LRRC4C: variants seen among roughly 807,000 people sequenced by gnomAD.
LRRC4C encodes the protein leucine rich repeat containing 4C, also known as leucine-rich repeat-containing protein 4C.
LRRC4C carries 5 observed loss-of-function variants against 33.6 expected under a neutral mutation model. The observed-to-expected ratio is 0.15, with a 90% CI of 0.08 to 0.31. The LOEUF (loss-of-function observed/expected upper bound fraction) is 0.31. LRRC4C is among the 10% of genes least tolerant of loss of function. LRRC4C has a pLI of 1.00. For missense variants in LRRC4C, 560 were observed against 796.7 expected (o/e 0.70, Z 3.58); for synonymous variants, 329 against 302.0 (o/e 1.09, Z -0.93).
At chr11:40,902,976 T>C (rs1956271704) in intron 2 of LRRC4C, among the ~76,000 whole-genome samples, 1 of 152,150 alleles carries the variant, frequency 6.6e-6, no homozygotes, top group African/African-American at 2.4e-5. Flanking sequence ...TTAATGAAGG[T>C]AGCTACATCA....
At chr11:41,439,847 GT>G (rs1186630968) in intron 1 of LRRC4C, among the ~76,000 whole-genome samples, 1 of 152,034 alleles carries the variant, frequency 6.6e-6, no homozygotes, top group Non-Finnish European at 1.5e-5. Flanking sequence ...TTTTGATGAG[GT>G]TTTTTTAAAT....
At chr11:41,372,379 T>C (rs943458459) in intron 1 of LRRC4C, among the ~76,000 whole-genome samples, 3 of 152,208 alleles carry the variant, frequency 2.0e-5, no homozygotes, top group Non-Finnish European at 2.9e-5. Context: ...TGAGTATAAT[T>C]ATGTCCTTTG....
chr11:40,592,841 T>A (rs151091883), intron 3 of LRRC4C, among the ~76,000 whole-genome samples: 15 of 152,300 alleles, frequency 9.8e-5, no homozygotes, highest in African/African-American at 3.6e-4. Context: ...ACTGGGTGTA[T>A]CTTGTCTTTG....
At chr11:40,362,746 G>A (rs189522869) in intron 3 of LRRC4C, among the ~76,000 whole-genome samples, 4 of 152,148 alleles carry the variant, frequency 2.6e-5, no homozygotes, top group East Asian at 3.9e-4. Context: ...TCAATAAATC[G>A]TGAGAAAAGG....
chr11:40,896,552 A>C (rs904833075), intron 2 of LRRC4C, among the ~76,000 whole-genome samples: 2 of 140,430 alleles, frequency 1.4e-5, no homozygotes, highest in Non-Finnish European at 3.2e-5. Context: ...TTTTTTTTTT[A>C]GATTTTATTT....
chr11:41,189,187 T>G (rs1945836594), intron 1 of LRRC4C, among the ~76,000 whole-genome samples: 1 of 152,168 alleles, frequency 6.6e-6, no homozygotes, highest in South Asian at 2.1e-4. Flanking sequence ...AAAGTCTGTA[T>G]TCTACTGAGA....
chr11:40,315,033 T>C (rs897750209), intron 4 of LRRC4C, among the ~76,000 whole-genome samples: 1 of 152,018 alleles, frequency 6.6e-6, no homozygotes, highest in African/African-American at 2.4e-5. Context: ...TACAGTTTCA[T>C]AGAGCTAAAA....
At chr11:40,974,249 T>C (rs1228559139) in intron 1 of LRRC4C, among the ~76,000 whole-genome samples, 1 of 152,180 alleles carries the variant, frequency 6.6e-6, no homozygotes, top group Non-Finnish European at 1.5e-5. Flanking sequence ...AAGGACATTT[T>C]CTTATGACTA....
At chr11:40,909,755 T>C (rs753972458) in intron 2 of LRRC4C, among the ~76,000 whole-genome samples, 2 of 152,182 alleles carry the variant, frequency 1.3e-5, no homozygotes, top group Non-Finnish European at 2.9e-5. Context: ...AAGGGCAGTT[T>C]ACTTAATTCT....
chr11:40,686,497 C>T (rs573845790), intron 2 of LRRC4C, among the ~76,000 whole-genome samples: 67 of 151,932 alleles, frequency 4.4e-4, no homozygotes, highest in African/African-American at 1.3e-3. Context: ...TCACCGGGGG[C>T]GGCCCAGACG....
chr11:40,876,414 G>A (rs1386627431), intron 2 of LRRC4C, among the ~76,000 whole-genome samples: 1 of 151,934 alleles, frequency 6.6e-6, no homozygotes. Flanking sequence ...AAATCCCAGT[G>A]TTCACTTGTC....
intron 3 of LRRC4C, among the ~76,000 whole-genome samples, chr11:40,373,403 A>G (rs1026407627): frequency 6.6e-6 from 1 of 152,168 alleles, no homozygotes; most frequent in African/African-American, 2.4e-5. Flanking sequence ...GAGAGAAGAC[A>G]TTTGCAATAC....
At chr11:40,276,129 C>A (rs1943083419) in intron 4 of LRRC4C, among the ~76,000 whole-genome samples, 1 of 152,066 alleles carries the variant, frequency 6.6e-6, no homozygotes, top group Admixed American at 6.6e-5. Context: ...AGTAGGAGAA[C>A]TGCATTAAAA....
intron 1 of LRRC4C, among the ~76,000 whole-genome samples, chr11:41,095,639 G>A (rs1940762493): frequency 6.6e-6 from 1 of 152,106 alleles, no homozygotes; most frequent in South Asian, 2.1e-4. Context: ...TTCTAACCCT[G>A]GGATAGAAGT....
intron 3 of LRRC4C, among the ~76,000 whole-genome samples, chr11:40,430,486 A>G (rs920191742): frequency 6.6e-6 from 1 of 152,174 alleles, no homozygotes; most frequent in Admixed American, 6.5e-5. Flanking sequence ...CACAGTGAGT[A>G]AAGGAACGGC....
intron 1 of LRRC4C, among the ~76,000 whole-genome samples, chr11:41,081,702 A>T (rs1939583636): frequency 6.6e-6 from 1 of 152,140 alleles, no homozygotes; most frequent in African/African-American, 2.4e-5. Flanking sequence ...TAAACAAAAA[A>T]ATATAAATGT....
chr11:40,267,833 T>C (rs944610599), intron 4 of LRRC4C, among the ~76,000 whole-genome samples: 1 of 152,188 alleles, frequency 6.6e-6, no homozygotes, highest in Non-Finnish European at 1.5e-5. Flanking sequence ...TGAAGTTTAA[T>C]GAAAATAATG....
chr11:41,354,681 T>C (rs1219283620), intron 1 of LRRC4C, among the ~76,000 whole-genome samples: 1 of 151,902 alleles, frequency 6.6e-6, no homozygotes, highest in Non-Finnish European at 1.5e-5. Context: ...ATGTAACAGG[T>C]TAGACAACCC....
chr11:41,014,985 A>G (rs904218990), intron 1 of LRRC4C, among the ~76,000 whole-genome samples: 1 of 152,214 alleles, frequency 6.6e-6, no homozygotes, highest in Non-Finnish European at 1.5e-5. Context: ...AAAGATTACG[A>G]GCAATTTATT....
Sources: allele counts gnomAD v4.1 joint callset (sites outside exome capture counted in the v4.1 genomes callset), GRCh38; gene constraint gnomAD v4.1.1; transcripts MANE v1.5; gene names NCBI Gene and HGNC (gene_info 2026-07-23, HGNC 2026-07-21).